Variants in GNG7 observed in about 807,000 individuals in gnomAD.
GNG7 encodes G protein subunit gamma 7.
In GNG7, 1 loss-of-function variant was observed where a neutral mutation model predicts 4.0. The observed-to-expected ratio is 0.25, with a 90% confidence interval of 0.09 to 1.18. The LOEUF (loss-of-function observed/expected upper bound fraction) is 1.18. GNG7 is among the 50% of genes most tolerant of loss of function. The pLI is 0.50. For missense variants in GNG7, 86 were observed against 91.9 expected, an observed-to-expected ratio of 0.94 and a Z score of 0.26; for synonymous variants, 34 against 36.9, an observed-to-expected ratio of 0.92 and a Z score of 0.29.
intron 2 of GNG7, among the ~76,000 whole-genome samples, chr19:2,636,542 C>T (rs1019733460): frequency 5.3e-5 from 8 of 152,270 alleles, no homozygotes; most frequent in South Asian, 2.1e-4. Flanking sequence ...TTCTCTGGTC[C>T]GAGCTCTGCT....
chr19:2,646,475 C>T (rs1169789119), intron 1 of GNG7, among the ~76,000 whole-genome samples, 195 bp from the exon 2 acceptor site: 1 of 152,154 alleles, frequency 6.6e-6, no homozygotes, highest in Non-Finnish European at 1.5e-5. Context: ...ATCATGAGGT[C>T]AGAAGTTCGA....
At chr19:2,599,722 C>T (rs1981141916) in intron 2 of GNG7, among the ~76,000 whole-genome samples, 3 of 152,126 alleles carry the variant, frequency 2.0e-5, no homozygotes, top group Admixed American at 2.0e-4. Context: ...GGATCACCTG[C>T]GGTCAGGAGT....
At chr19:2,612,767 C>G (rs957945310) in intron 2 of GNG7, among the ~76,000 whole-genome samples, 2 of 141,640 alleles carry the variant, frequency 1.4e-5, no homozygotes, top group African/African-American at 5.4e-5. Context: ...GATCTCGGCT[C>G]GCTGCAACTT....
chr19:2,615,193 G>C (rs958088686), intron 2 of GNG7, among the ~76,000 whole-genome samples: 1 of 150,066 alleles, frequency 6.7e-6, no homozygotes, highest in Admixed American at 6.7e-5. Context: ...ACGGAGTCTC[G>C]CTCTGTCGCC....
At chr19:2,656,264 C>T (rs545117799) in intron 1 of GNG7, among the ~76,000 whole-genome samples, 45 of 152,206 alleles carry the variant, frequency 3.0e-4, no homozygotes, top group African/African-American at 1.0e-3. Context: ...TCACAATAGC[C>T]GAGATAGGAA....
At chr19:2,672,688 TG>T (rs1463912372) in intron 1 of GNG7, among the ~76,000 whole-genome samples, 1 of 151,884 alleles carries the variant, frequency 6.6e-6, no homozygotes, top group Non-Finnish European at 1.5e-5. Context: ...TCAAGTGATT[TG>T]CCCGCCTCGA....
In GNG7 at chr19:2,513,124, C is replaced by G; in HGVS notation, c.*1898G>C. Reference sequence around the variant, plus strand: ...AGGTTGAGGAGTGGAGGTCACTCCCCCGACACCTGCACACACACCCGGAGC... The same window carrying G: ...AGGTTGAGGAGTGGAGGTCACTCCCGCGACACCTGCACACACACCCGGAGC... On this transcript the variant is annotated 3_prime_UTR_variant, in exon 5 of 5. Coordinates refer to ENST00000382159, the MANE Select transcript of GNG7 (RefSeq NM_052847.3). The G allele has an allele frequency of 1.0e-6, 1 of 985,536 alleles. No homozygotes were observed. The highest frequency in any genetic ancestry group is 4.7e-5 in the South Asian group (1 of 21,288). 61.0% of individuals were successfully genotyped at this position (985,536 alleles called of 1,614,324 possible).
chr19:2,617,005 A>C lies in GNG7; in HGVS notation c.-78+29219T>G, dbSNP rs1981741560. 6.6e-6 allele frequency among the ~76,000 whole-genome samples: 1 copy of C among 152,208 alleles called. No individual in the cohort carries two copies. The highest frequency in any genetic ancestry group is 6.5e-5 in the Admixed American group (1 of 15,276). On this transcript the variant is annotated intron_variant, in intron 2 of 4. Coordinates refer to ENST00000382159, the MANE Select transcript of GNG7 (RefSeq NM_052847.3). The surrounding 1 kb of genome is among the most constrained non-coding windows in gnomAD (Gnocchi z 4.7). ...TTGGAATCAGAAGGTTCTGGCATGAAAGCTTTGCACCAGCCTTCCACCAGT... is the reference window on the plus strand; with the variant it reads ...TTGGAATCAGAAGGTTCTGGCATGACAGCTTTGCACCAGCCTTCCACCAGT...
At chr19:2,540,039 TC>T (rs1272437078) in intron 3 of GNG7, among the ~76,000 whole-genome samples, 3 of 104,164 alleles carry the variant, frequency 2.9e-5, no homozygotes, top group Admixed American at 1.0e-4. Flanking sequence ...TGGCTCTCCC[TC>T]CCTCCCTCCC....
intron 2 of GNG7, among the ~76,000 whole-genome samples, chr19:2,597,621 G>C (rs1276865673): frequency 6.7e-6 from 1 of 150,240 alleles, no homozygotes; most frequent in East Asian, 2.0e-4. Flanking sequence ...ATAAGGCCGA[G>C]TGTGGTGGCT....
chr19:2,662,701 A>G (rs967595860), intron 1 of GNG7, among the ~76,000 whole-genome samples: 10 of 152,124 alleles, frequency 6.6e-5, no homozygotes, highest in African/African-American at 2.4e-4. Context: ...AAGTTCTCCA[A>G]ACCCCGTCCT....
intron 2 of GNG7, among the ~76,000 whole-genome samples, chr19:2,584,774 G>A (rs182997326): frequency 3.9e-5 from 1 of 25,834 alleles, no homozygotes; most frequent in Non-Finnish European, 6.0e-5. Flanking sequence ...GAGGGATGGA[G>A]GGAGGGAGGG....
intron 3 of GNG7, among the ~76,000 whole-genome samples, chr19:2,553,988 A>ATATAC (rs72404986): frequency 4.9e-4 from 3 of 6,080 alleles, no homozygotes; most frequent in Non-Finnish European, 8.5e-4. Flanking sequence ...TATATGTAAT[A>ATATAC]TATATTACAC....
At chr19:2,678,233 C>T (rs1003451829) in intron 1 of GNG7, among the ~76,000 whole-genome samples, 6 of 152,178 alleles carry the variant, frequency 3.9e-5, no homozygotes, top group Non-Finnish European at 5.9e-5. Flanking sequence ...TCACTTCCAT[C>T]TCAGGGCACA....
chr19:2,553,619 A>G (rs1387751770), intron 3 of GNG7, among the ~76,000 whole-genome samples: 5 of 109,918 alleles, frequency 4.5e-5, no homozygotes, highest in South Asian at 2.9e-4. Context: ...CATACTACAT[A>G]CATGCACACG....
intron 2 of GNG7, among the ~76,000 whole-genome samples, chr19:2,625,100 T>C (rs1200542037): frequency 2.0e-5 from 3 of 152,184 alleles, no homozygotes; most frequent in Admixed American, 1.3e-4. Context: ...GACAAGATCT[T>C]GCTCTGTCGC....
intron 2 of GNG7, among the ~76,000 whole-genome samples, chr19:2,567,586 A>G (rs1979962235): frequency 6.6e-6 from 1 of 152,006 alleles, no homozygotes; most frequent in Non-Finnish European, 1.5e-5. Flanking sequence ...TCGGCCTCCC[A>G]AAGTGCTGGG....
chr19:2,639,656 G>A (rs1982431322), intron 2 of GNG7, among the ~76,000 whole-genome samples: 1 of 127,948 alleles, frequency 7.8e-6, no homozygotes, highest in African/African-American at 3.1e-5. Context: ...AACCATCCAA[G>A]GGGAGGGATT....
intron 3 of GNG7, 70 bp from the exon 4 acceptor site, chr19:2,520,795 G>A: frequency 1.5e-6 from 1 of 681,688 alleles, no homozygotes; most frequent in East Asian, 2.8e-5. Context: ...GGGGCGCCCG[G>A]CCTTGGCTCA....
Sources: allele counts gnomAD v4.1 joint callset (sites outside exome capture counted in the v4.1 genomes callset), GRCh38; gene constraint gnomAD v4.1.1; non-coding constraint Gnocchi (gnomAD v3.1); transcripts MANE v1.5; gene names NCBI Gene and HGNC (gene_info 2026-07-23, HGNC 2026-07-21).